Variants in PLXDC2 observed in about 807,000 individuals in gnomAD.
The protein encoded by PLXDC2 is plexin domain-containing protein 2.
PLXDC2 carries 40 observed loss-of-function variants against 68.9 expected under a neutral mutation model. The observed-to-expected ratio is 0.58, with a 90% CI of 0.45 to 0.76. The LOEUF (loss-of-function observed/expected upper bound fraction) is 0.76. PLXDC2 is among the 30% of genes least tolerant of loss of function. The pLI is 0.00. For missense variants in PLXDC2, 644 were observed against 661.9 expected (o/e 0.97, Z 0.30); for synonymous variants, 243 against 234.2 (o/e 1.04, Z -0.34).
chr10:20,202,503 A>C (rs1041784874), intron 9 of PLXDC2, among the ~76,000 whole-genome samples: 1 of 152,184 alleles, frequency 6.6e-6, no homozygotes, highest in Admixed American at 6.6e-5. Flanking sequence ...TAAACTTGTG[A>C]AATTCTTGAA....
At chr10:19,961,660 T>C (rs1000136504) in intron 1 of PLXDC2, among the ~76,000 whole-genome samples, 2 of 152,216 alleles carry the variant, frequency 1.3e-5, no homozygotes, top group Non-Finnish European at 2.9e-5. Context: ...ATGGCACTGA[T>C]ACCCACATCA....
At chr10:20,072,526 A>AAG (rs1836348583) in intron 4 of PLXDC2, among the ~76,000 whole-genome samples, 1 of 104,424 alleles carries the variant, frequency 9.6e-6, no homozygotes, top group Non-Finnish European at 1.7e-5. Flanking sequence ...AAAGAAAGAA[A>AAG]GAAAGAAAGA....
chr10:19,972,491 T>C (rs1040689232), intron 1 of PLXDC2, among the ~76,000 whole-genome samples: 7 of 152,112 alleles, frequency 4.6e-5, no homozygotes, highest in African/African-American at 1.7e-4. Flanking sequence ...ATGTATCGAG[T>C]ACTGTGTTCA....
At chr10:20,162,041 A>AG (rs1491280660) in intron 6 of PLXDC2, among the ~76,000 whole-genome samples, 9 of 28,084 alleles carry the variant, frequency 3.2e-4, no homozygotes, top group African/African-American at 1.1e-3. Flanking sequence ...AGAAAGAAAG[A>AG]AAGAGAGAGA....
At chr10:20,086,392 A>G (rs559013777) in intron 4 of PLXDC2, among the ~76,000 whole-genome samples, 87 of 150,444 alleles carry the variant, frequency 5.8e-4, no homozygotes, top group African/African-American at 1.8e-3. Context: ...GGGTCTCCCT[A>G]TGCTGTCCAG....
chr10:19,964,871 G>A (rs1253566241), intron 1 of PLXDC2, among the ~76,000 whole-genome samples: 1 of 152,120 alleles, frequency 6.6e-6, no homozygotes, highest in Non-Finnish European at 1.5e-5. Context: ...CCCTCTGGGA[G>A]CAACCCAGGC....
intron 12 of PLXDC2, among the ~76,000 whole-genome samples, chr10:20,227,427 A>C (rs996159158): frequency 5.9e-5 from 9 of 152,190 alleles, no homozygotes; most frequent in Non-Finnish European, 1.2e-4. Context: ...GAGGAAAGGG[A>C]GAGAAGAAAA....
Position 20,028,427 on chromosome 10 carries a change from C to T in PLXDC2, c.325-18442C>T, listed in dbSNP as rs954201394. On this transcript the variant is annotated intron_variant, in intron 2 of 13. Coordinates refer to ENST00000377252, the MANE Select transcript of PLXDC2 (RefSeq NM_032812.9). ...TGTTATTTGAATATGAGAGGGAGGCCTCTCAATTACAACTGATTACTCCTA... is the reference window on the plus strand; with the variant it reads ...TGTTATTTGAATATGAGAGGGAGGCTTCTCAATTACAACTGATTACTCCTA... Among the ~76,000 whole-genome samples, 5 of 152,200 alleles carry T rather than the reference C, an allele frequency of 3.3e-5. No homozygotes were observed. In the East Asian group the frequency reaches 9.7e-4, roughly 29 times the overall value.
At chr10:20,201,405 A>G (rs1834915466) in intron 9 of PLXDC2, among the ~76,000 whole-genome samples, 2 of 152,092 alleles carry the variant, frequency 1.3e-5, no homozygotes, top group African/African-American at 4.8e-5. Flanking sequence ...AGAGTAGGTG[A>G]AAGAGGGAGA....
At chr10:20,147,121 T>G (rs1010735805) in intron 5 of PLXDC2, among the ~76,000 whole-genome samples, 1 of 152,178 alleles carries the variant, frequency 6.6e-6, no homozygotes, top group Non-Finnish European at 1.5e-5. Context: ...TCGTTTATGG[T>G]AAACACTGAC....
At chr10:20,239,033 A>G (rs1270904439) in intron 12 of PLXDC2, among the ~76,000 whole-genome samples, 1 of 151,974 alleles carries the variant, frequency 6.6e-6, no homozygotes, top group Admixed American at 6.6e-5. Flanking sequence ...CTGTATTTCC[A>G]TTTTTGGCTT....
intron 4 of PLXDC2, among the ~76,000 whole-genome samples, chr10:20,131,733 T>C (rs1833870888): frequency 6.6e-6 from 1 of 152,172 alleles, no homozygotes; most frequent in South Asian, 2.1e-4. Context: ...TTTTCTTAGT[T>C]TAACTAAAAG....
In PLXDC2 at chr10:19,999,751, A is replaced by C. The variant is rs142715700; in HGVS notation, c.113-2024A>C. Among the ~76,000 whole-genome samples the C allele has an allele frequency of 1.7e-3, 252 of 152,276 alleles. 1 individual carries two copies. Among genetic ancestry groups the C allele is most frequent in the African/African-American group, 5.2e-3 (217 of 41,568 alleles). ...TTATTGCTGGGTTATAAGGTGCCTC[A>C]TGTATGTTTGGTAATGAAGCAGGAT... On this transcript the variant is annotated intron_variant, in intron 1 of 13. Transcript: ENST00000377252.
intron 1 of PLXDC2, among the ~76,000 whole-genome samples, chr10:19,967,478 T>C (rs935677723): frequency 6.6e-6 from 1 of 152,122 alleles, no homozygotes; most frequent in African/African-American, 2.4e-5. Context: ...AAAACACTAT[T>C]TCATTTCTTA....
chr10:20,211,738 G>A lies in PLXDC2; in HGVS notation c.1122+9G>A, dbSNP rs753099038. On this transcript the variant is annotated intron_variant, in intron 10 of 13. Coordinates refer to ENST00000377252, the MANE Select transcript of PLXDC2 (RefSeq NM_032812.9). ...GTGGATGCCCTGAAGAGGTACACAT[G>A]CTTTATTGTGACAGAATCCTGGGAC... 6.2e-7 allele frequency: 1 copy of A among 1,612,048 alleles called. No homozygotes were observed. Among genetic ancestry groups the A allele is most frequent in the South Asian group, 1.1e-5 (1 of 91,008 alleles).
chr10:20,019,049 G>A (rs1639467150), intron 2 of PLXDC2, among the ~76,000 whole-genome samples: 1 of 152,204 alleles, frequency 6.6e-6, no homozygotes, highest in Admixed American at 6.5e-5. Flanking sequence ...GGAGGCCAAG[G>A]CGAGAGGATC....
intron 1 of PLXDC2, among the ~76,000 whole-genome samples, chr10:19,822,922 CTTT>C (rs527402042): frequency 6.8e-6 from 1 of 148,144 alleles, no homozygotes; most frequent in South Asian, 2.1e-4. Context: ...TGTTTACTTA[CTTT>C]TTTTTTTTGA....
intron 1 of PLXDC2, among the ~76,000 whole-genome samples, chr10:19,929,924 TAA>T (rs1833597989): frequency 1.3e-5 from 2 of 152,356 alleles, no homozygotes; most frequent in Non-Finnish European, 2.9e-5. Flanking sequence ...ACTGTGGTGC[TAA>T]GTTTCCTTGG....
chr10:19,983,268 C>CT (rs1179797092), intron 1 of PLXDC2, among the ~76,000 whole-genome samples: 4 of 152,042 alleles, frequency 2.6e-5, no homozygotes, highest in African/African-American at 9.7e-5. Context: ...ATAATTAATT[C>CT]TTTTTTCTGA....
Sources: allele counts gnomAD v4.1 joint callset (sites outside exome capture counted in the v4.1 genomes callset), GRCh38; gene constraint gnomAD v4.1.1; transcripts MANE v1.5; gene names NCBI Gene and HGNC (gene_info 2026-07-23, HGNC 2026-07-21).